The following TBC1D22A variants were observed in gnomAD, a reference collection of about 807,000 sequenced individuals.
The protein encoded by TBC1D22A is TBC1 domain family member 22A, also known as putative GTPase activator.
In TBC1D22A, 38 loss-of-function variants were observed where a neutral mutation model predicts 60.2. The observed-to-expected ratio is 0.63, with a 90% CI of 0.49 to 0.83. The LOEUF is 0.83. TBC1D22A is among the 40% of genes least tolerant of loss of function. TBC1D22A has a pLI of 0.00. For synonymous variants in TBC1D22A, 302 were observed against 281.7 expected (o/e 1.07, Z -0.72); for missense variants, 628 against 701.0 (o/e 0.90, Z 1.18).
At chr22:46,792,942 C>T in intron 2 of TBC1D22A, 3 of 1,213,394 alleles carry the variant, frequency 2.5e-6, no homozygotes, top group South Asian at 1.8e-5. Context: ...CGGCCCTGGC[C>T]TGTCCTGGCC....
intron 8 of TBC1D22A, among the ~76,000 whole-genome samples, chr22:46,920,034 G>C (rs2070645357): frequency 1.4e-5 from 2 of 144,034 alleles, no homozygotes; most frequent in Non-Finnish European, 3.0e-5. Context: ...TTAAAGCTGA[G>C]TGTTAGGTAT....
intron 7 of TBC1D22A, among the ~76,000 whole-genome samples, chr22:46,908,126 C>A (rs1467782072): frequency 6.6e-6 from 1 of 152,218 alleles, no homozygotes; most frequent in African/African-American, 2.4e-5. Context: ...TTAGCAGCAA[C>A]CTCTGCTGCT....
At chr22:47,126,768 G>A (rs2066473777) in intron 12 of TBC1D22A, among the ~76,000 whole-genome samples, 1 of 152,234 alleles carries the variant, frequency 6.6e-6, no homozygotes, top group African/African-American at 2.4e-5. Context: ...TGGCCCTTTT[G>A]CCCTGCCTCT....
At chr22:47,150,167 A>G (rs2067448711) in intron 12 of TBC1D22A, among the ~76,000 whole-genome samples, 1 of 152,116 alleles carries the variant, frequency 6.6e-6, no homozygotes, top group South Asian at 2.1e-4. Flanking sequence ...GGGCACAGTC[A>G]CTGGTGCACT....
chr22:47,061,916 C>G (rs535487872), intron 11 of TBC1D22A, among the ~76,000 whole-genome samples: 116 of 152,034 alleles, frequency 7.6e-4, no homozygotes, highest in Non-Finnish European at 1.2e-3. Flanking sequence ...GGCAAAACCC[C>G]GTTTCTACTA....
intron 12 of TBC1D22A, among the ~76,000 whole-genome samples, chr22:47,137,835 T>TGGGGAGTGGGGAGCGGGGAGC: frequency 6.7e-6 from 1 of 148,774 alleles, no homozygotes; most frequent in Non-Finnish European, 1.5e-5. Flanking sequence ...GAGTAGGGAG[T>TGGGGAGTGGGGAGCGGGGAGC]GGGGAGTGGG....
At chr22:47,072,556 A>G (rs1357089115) in intron 11 of TBC1D22A, among the ~76,000 whole-genome samples, 1 of 152,024 alleles carries the variant, frequency 6.6e-6, no homozygotes, top group Non-Finnish European at 1.5e-5. Context: ...ACTTGGCCAC[A>G]CCCCTGTTAG....
At chr22:47,147,370 T>C (rs1204373760) in intron 12 of TBC1D22A, among the ~76,000 whole-genome samples, 2 of 151,844 alleles carry the variant, frequency 1.3e-5, no homozygotes, top group Non-Finnish European at 2.9e-5. Context: ...TAATAACAGA[T>C]GTGTAAGGCT....
intron 4 of TBC1D22A, among the ~76,000 whole-genome samples, chr22:46,803,587 C>T (rs531790115): frequency 2.0e-5 from 3 of 152,274 alleles, no homozygotes; most frequent in Admixed American, 2.0e-4. Context: ...CAGCAGGGCA[C>T]GTTGGCCTTG....
intron 4 of TBC1D22A, among the ~76,000 whole-genome samples, chr22:46,873,520 A>G (rs2067389124): frequency 6.6e-6 from 1 of 152,156 alleles, no homozygotes; most frequent in Non-Finnish European, 1.5e-5. Flanking sequence ...TTACTTATTT[A>G]TTTTTAAATT....
intron 8 of TBC1D22A, among the ~76,000 whole-genome samples, chr22:46,944,210 GT>G (rs913874539): frequency 2.0e-5 from 3 of 152,144 alleles, no homozygotes; most frequent in African/African-American, 7.2e-5. Context: ...TATTGTTTGT[GT>G]TTTTATTTTA....
chr22:47,005,123 A>T lies in TBC1D22A; in HGVS notation c.1201+7414A>T, dbSNP rs549389908. Among the ~76,000 whole-genome samples, 5 of 151,844 alleles carry T rather than the reference A, an allele frequency of 3.3e-5. No individual in the cohort carries two copies. In the East Asian group the frequency reaches 9.7e-4, roughly 29 times the overall value. The stretch of plus-strand genomic sequence containing the variant: ...CACACCTTTGTATTCACACACTCTT[A>T]CACACGTGTCTATACACAAACACAT... On this transcript the variant is annotated intron_variant, in intron 10 of 12. Transcript: ENST00000337137.
intron 11 of TBC1D22A, among the ~76,000 whole-genome samples, chr22:47,041,115 T>G (rs1325021323): frequency 1.3e-5 from 2 of 152,160 alleles, no homozygotes; most frequent in African/African-American, 4.8e-5. Flanking sequence ...AGGGAACATT[T>G]ATTTTTGGCA....
chr22:47,142,412 C>A lies in TBC1D22A; in HGVS notation c.1425+30809C>A, dbSNP rs1457036336. Among the ~76,000 whole-genome samples the A allele has an allele frequency of 8.4e-3, 572 of 68,134 alleles. 20 individuals carry two copies. The highest frequency in any genetic ancestry group is 0.031 in the African/African-American group (532 of 17,370). 44.7% of individuals were successfully genotyped at this position (68,134 alleles called of 152,430 possible). On this transcript the variant is annotated intron_variant, in intron 12 of 12. Coordinates refer to ENST00000337137, the MANE Select transcript of TBC1D22A (RefSeq NM_014346.5). ...CCATTCTTCCATCCATCCTGCCACC[C>A]ACCCATCCATTCACCCACCCACCCA... is the stretch of plus-strand genomic sequence containing the variant.
chr22:46,986,484 T>C (rs1317646751), intron 9 of TBC1D22A, among the ~76,000 whole-genome samples: 1 of 152,094 alleles, frequency 6.6e-6, no homozygotes, highest in Non-Finnish European at 1.5e-5. Context: ...ATATTAGCAA[T>C]ATTGAGTCTT....
chr22:46,955,410 G>T (rs2073133847), intron 8 of TBC1D22A, among the ~76,000 whole-genome samples: 2 of 152,190 alleles, frequency 1.3e-5, no homozygotes, highest in African/African-American at 4.8e-5. Flanking sequence ...ACACTGGAAG[G>T]ATTTGCTGTG....
chr22:47,027,790 T>C (rs2062309488), intron 10 of TBC1D22A, among the ~76,000 whole-genome samples: 1 of 152,164 alleles, frequency 6.6e-6, no homozygotes, highest in Non-Finnish European at 1.5e-5. Flanking sequence ...ACTATTAATA[T>C]AATAAAAAGA....
intron 10 of TBC1D22A, among the ~76,000 whole-genome samples, chr22:47,002,314 A>G (rs1254338979): frequency 6.6e-6 from 1 of 152,218 alleles, no homozygotes; most frequent in Admixed American, 6.5e-5. Context: ...CTCTGAAATC[A>G]CATGATCCCT....
At position 46,949,620 on chromosome 22, in the gene TBC1D22A, T is replaced by A. The variant is rs143275705; in HGVS notation, c.1016-24670T>A. The stretch of plus-strand genomic sequence containing the variant: ...TGAATGGATCTCTTGTTAGCAAATT[T>A]ATATCATTTCATCCATCTGCCGACC... On this transcript the variant is annotated intron_variant, in intron 8 of 12. Transcript: ENST00000337137. Among the ~76,000 whole-genome samples the A allele has an allele frequency of 4.0e-3, 609 of 152,366 alleles. 5 individuals are homozygous for A. The highest frequency in any genetic ancestry group is 0.014 in the African/African-American group (581 of 41,584).
Sources: gnomAD v4.1 joint callset for allele counts (sites outside exome capture counted in the v4.1 genomes callset) on GRCh38, gnomAD v4.1.1 for gene constraint, MANE v1.5 for transcripts, NCBI Gene and HGNC (gene_info 2026-07-23, HGNC 2026-07-21) for gene names.